HTR2B: variants seen among roughly 807,000 people sequenced by gnomAD.
The protein encoded by HTR2B is 5-hydroxytryptamine receptor 2B.
Under a neutral mutation model 39.8 loss-of-function variants are expected in HTR2B, and 31 were observed. The ratio of observed to expected loss-of-function variants is 0.78; its 90% confidence interval spans 0.58 to 1.05. The LOEUF is 1.05. Among genes scored for constraint, HTR2B ranks in the 50% least tolerant of loss-of-function variants. HTR2B has a pLI of 0.00. For synonymous variants in HTR2B, 210 were observed against 207.1 expected, an observed-to-expected ratio of 1.01 and a Z score of -0.12; for missense variants, 562 against 578.0, an observed-to-expected ratio of 0.97 and a Z score of 0.28.
intron 2 of HTR2B, among the ~76,000 whole-genome samples, chr2:231,119,263 C>T (rs903810529): frequency 6.6e-6 from 1 of 152,178 alleles, no homozygotes; most frequent in Non-Finnish European, 1.5e-5. Context: ...TTTTCTCTTA[C>T]TGCTATACAT....
rs759758712 is a variant in HTR2B at position 231,109,326 on chromosome 2, G to T, written c.637C>A (p.Arg213Ser). 6.2e-7 allele frequency: 1 copy of T among 1,613,998 alleles called. No homozygotes were observed. Among genetic ancestry groups the T allele is most frequent in the Non-Finnish European group, 8.5e-7 (1 of 1,179,926 alleles). Residue 213 changes from arginine (R) to serine (S), a missense_variant, in exon 4 of 4, where the codon CGT becomes AGT. Physicochemically the swap from Arg to Ser is moderately radical, Grantham distance 110. Coordinates refer to ENST00000258400, the MANE Select transcript of HTR2B (RefSeq NM_000867.5). ...NNITCVLTKE[R>S]FGDFMLFGSL... is the part of the protein sequence containing the mutation. ...CCAAAGAGCATGAAATCGCCAAAAC[G>T]TTCCTTTGTCAGCACACAAGTGATA...
chr2:231,121,276 C>G (rs1374978657), intron 2 of HTR2B, among the ~76,000 whole-genome samples: 1 of 152,086 alleles, frequency 6.6e-6, no homozygotes, highest in Non-Finnish European at 1.5e-5. Context: ...GCCTGTAATC[C>G]TAGCTACTTA....
intron 2 of HTR2B, among the ~76,000 whole-genome samples, chr2:231,114,315 AAG>A (rs1695258823): frequency 3.3e-5 from 5 of 152,218 alleles, no homozygotes. Flanking sequence ...GTTGTATAAA[AAG>A]AAAACATTTT....
At chr2:231,115,399 T>A (rs113536361) in intron 2 of HTR2B, among the ~76,000 whole-genome samples, 4 of 152,294 alleles carry the variant, frequency 2.6e-5, no homozygotes, top group African/African-American at 9.6e-5. Flanking sequence ...GCATTCTGAA[T>A]AAGAATATTA....
intron 3 of HTR2B, among the ~76,000 whole-genome samples, chr2:231,112,779 A>T (rs2125212097): frequency 6.6e-6 from 1 of 152,310 alleles, no homozygotes; most frequent in East Asian, 1.9e-4. Context: ...ACAGGGCCGT[A>T]AGACGATTTA....
At chr2:231,114,673 A>G (rs1234747969) in intron 2 of HTR2B, among the ~76,000 whole-genome samples, 1 of 152,194 alleles carries the variant, frequency 6.6e-6, no homozygotes, top group African/African-American at 2.4e-5. Context: ...AAACTCTTAT[A>G]AAACACTGCA....
chr2:231,108,929 A>G lies in HTR2B; in HGVS notation c.1034T>C (p.Ile345Thr). ...LMWCPFFITN[I>T]TLVLCDSCNQ... ...ACAGGAATCACATAAAACTAAAGTT[A>G]TATTTGTAATAAAGAAGGGACACCA... The change falls in exon 4 of 4, where the codon ATA becomes ACA. Residue 345 changes from isoleucine to threonine, a missense_variant. Transcript: ENST00000258400. The G allele has an allele frequency of 6.2e-7, 1 of 1,614,166 alleles. No individual in the cohort carries two copies. Among genetic ancestry groups the G allele is most frequent in the Non-Finnish European group, 8.5e-7 (1 of 1,179,998 alleles).
At chr2:231,118,493 G>A (rs541565533) in intron 2 of HTR2B, among the ~76,000 whole-genome samples, 2 of 152,270 alleles carry the variant, frequency 1.3e-5, no homozygotes, top group Admixed American at 1.3e-4. Flanking sequence ...TTTTACTAAC[G>A]TTGAATTTTA....
intron 2 of HTR2B, among the ~76,000 whole-genome samples, chr2:231,117,873 A>G (rs952542981): frequency 2.0e-5 from 3 of 152,070 alleles, no homozygotes; most frequent in African/African-American, 4.8e-5. Flanking sequence ...CCTAGGGGGG[A>G]AAAAATTCTG....
In HTR2B at chr2:231,109,195, A is replaced by G. The variant is rs754159866; in HGVS notation, c.768T>C (p.Pro256=). The change falls in exon 4 of 4, where the codon CCT becomes CCC. Residue 256 remains proline (P), a synonymous_variant. Transcript: ENST00000258400. ...ACACAGTCAACCATGTTAGGCGTTG[A>G]GGTGGCTTGTTTTTGACTAAGTAAG... ...KKAYLVKNKP[P]QRLTWLTVST... 69 of 1,614,078 alleles carry G rather than the reference A, an allele frequency of 4.3e-5. No homozygotes were observed. The highest frequency in any genetic ancestry group is 3.3e-4 in the Middle Eastern group (2 of 6,084).
chr2:231,123,297 A>G, intron 2 of HTR2B, 116 bp downstream of exon 2: 1 of 809,988 alleles, frequency 1.2e-6, no homozygotes, highest in Non-Finnish European at 2.1e-6. Flanking sequence ...CCGTATCTTT[A>G]AATAGTCCAA....
rs141307838 is a variant in HTR2B, at chr2:231,110,831, A to G, written c.554-1422T>C. On this transcript the variant is annotated intron_variant, in intron 3 of 3. Coordinates refer to ENST00000258400, the MANE Select transcript of HTR2B (RefSeq NM_000867.5). ...TATTGTCTGTGGCTGCTTTTGTTCT[A>G]CTGCAGCAGAATGGAGGAGCTGTGA... 1.5e-3 allele frequency among the ~76,000 whole-genome samples: 225 copies of G among 152,294 alleles called. 2 individuals carry two copies. In the East Asian group the frequency reaches 0.025, roughly 17 times the overall value.
At chr2:231,118,302 A>T (rs1459180265) in intron 2 of HTR2B, among the ~76,000 whole-genome samples, 1 of 152,178 alleles carries the variant, frequency 6.6e-6, no homozygotes, top group East Asian at 1.9e-4. Context: ...ACTCCTACAT[A>T]GAAACAAGCC....
rs953170302 is a variant in HTR2B at position 231,123,896 on chromosome 2, T to TA, written c.-133dup. 8,044 of 522,156 alleles carry TA rather than the reference T, an allele frequency of 0.015. No homozygotes were observed. The highest frequency in any genetic ancestry group is 0.017 in the Non-Finnish European group (4,957 of 286,656). The allele number at this position is 522,156 out of a possible 1,614,324, so 32.3% of individuals were successfully genotyped here. A position where few individuals can be genotyped will look rare whatever the true frequency, so the allele number is the denominator to read the frequency against. ...AAAAGCCAAAGTTGACACCTTCCTT[T>TA]AAAAAAAAAAATTCAAGTTCTCTAA... On this transcript the variant is annotated 5_prime_UTR_variant, in exon 2 of 4. An upstream open reading frame in the 5' UTR loses its in-frame stop. Coordinates refer to ENST00000258400, the MANE Select transcript of HTR2B (RefSeq NM_000867.5).
At chr2:231,118,120 G>A (rs895486743) in intron 2 of HTR2B, among the ~76,000 whole-genome samples, 6 of 146,138 alleles carry the variant, frequency 4.1e-5, no homozygotes, top group African/African-American at 1.4e-4. Flanking sequence ...CTGTAAAGTG[G>A]GGATAATAGT....
rs1160646761 is a variant in HTR2B, at chr2:231,109,262, A to G, written c.701T>C (p.Ile234Thr). The G allele has an allele frequency of 6.8e-6, 11 of 1,614,068 alleles. No homozygotes were observed. Among genetic ancestry groups the G allele is most frequent in the Non-Finnish European group, 9.3e-6 (11 of 1,180,032 alleles). Residue 234 changes from isoleucine (I) to threonine (T), a missense_variant, in exon 4 of 4, where the codon ATT (isoleucine) becomes ACT (threonine). Coordinates refer to ENST00000258400, the MANE Select transcript of HTR2B (RefSeq NM_000867.5). ...ATGGATAGTGAGAAAGTAGGTGACA[A>G]TCATAATTGCAAGAGGTGTGAAGAA... is the stretch of plus-strand genomic sequence containing the variant. ...AAFFTPLAIMIVTYFLTIHAL... is the reference protein window; with the variant it reads ...AAFFTPLAIMTVTYFLTIHAL...
chr2:231,113,907 A>G lies in HTR2B; in HGVS notation c.375T>C (p.Leu125=), dbSNP rs768865599. 8 of 1,614,158 alleles carry G rather than the reference A, an allele frequency of 5.0e-6. No individual in the cohort carries two copies. Among genetic ancestry groups the G allele is most frequent in the Non-Finnish European group, 1.7e-6 (2 of 1,180,008 alleles). ...GAAATAACCAGGCAGGACATAGAACAAGTGGGAGGGGCCACATAGCCTCTG... is the reference window on the plus strand; with the variant it reads ...GAAATAACCAGGCAGGACATAGAACGAGTGGGAGGGGCCACATAGCCTCTG... ...IMFEAMWPLP[L]VLCPAWLFLD... Residue 125 remains leucine (L), a synonymous_variant, in exon 3 of 4, where the codon CTT becomes CTC. Transcript: ENST00000258400.
At chr2:231,113,432 G>C (rs766280834) in intron 3 of HTR2B, among the ~76,000 whole-genome samples, 8 of 152,190 alleles carry the variant, frequency 5.3e-5, no homozygotes, top group Non-Finnish European at 1.0e-4. Flanking sequence ...TATGAAGACT[G>C]TTCTCAAACT....
Position 231,123,828 on chromosome 2 carries a change from G to A in HTR2B, c.-64C>T, listed in dbSNP as rs1185854227. 8.0e-7 allele frequency: 1 copy of A among 1,251,106 alleles called. No individual in the cohort carries two copies. 77.5% of individuals were successfully genotyped at this position (1,251,106 alleles called of 1,614,324 possible). On this transcript the variant is annotated 5_prime_UTR_variant, in exon 2 of 4. Transcript: ENST00000258400. ...GGTCAGCATGGTTAGTAGCTAAGCT[G>A]CTCATCTGTTTTTTTAAGGCATTGT...
Sources: gnomAD v4.1 joint callset for allele counts (sites outside exome capture counted in the v4.1 genomes callset) on GRCh38, gnomAD v4.1.1 for gene constraint, MANE v1.5 for transcripts, NCBI Gene and HGNC (gene_info 2026-07-23, HGNC 2026-07-21) for gene names.